The following XKRX variants were observed in gnomAD, a reference collection of about 807,000 sequenced individuals.
XKRX encodes the protein XK related X-linked, also known as XK-related protein 2.
In XKRX, 11 loss-of-function variants were observed where a neutral mutation model predicts 22.4. The ratio of observed to expected loss-of-function variants is 0.49; its 90% confidence interval spans 0.31 to 0.81. The LOEUF is 0.81. XKRX is among the 40% of genes least tolerant of loss of function. The pLI is 0.05. For synonymous variants in XKRX, 114 were observed against 132.2 expected (o/e 0.86, Z 0.94); for missense variants, 320 against 336.5 (o/e 0.95, Z 0.38).
At chrX:100,896,188 C>T in the XKRX span, among the ~76,000 whole-genome samples, 20 of 111,293 alleles carry the variant, frequency 1.8e-4, no homozygotes, top group Non-Finnish European at 3.4e-4. Flanking sequence ...TTGTATAGCC[C>T]ATTTGGAGGG....
chrX:100,891,238 C>A, the XKRX span, among the ~76,000 whole-genome samples: 4 of 111,400 alleles, frequency 3.6e-5, no homozygotes, highest in East Asian at 1.1e-3. Flanking sequence ...AAAGAACACA[C>A]AATATTGTTA....
At chrX:100,920,756 GTTAT>G (rs1039619612) in intron 2 of XKRX, among the ~76,000 whole-genome samples, 1 of 111,757 alleles carries the variant, frequency 8.9e-6, no homozygotes. Context: ...TATTACTTTT[GTTAT>G]TTATTTATTT....
At chrX:100,895,215 AAAT>A in the XKRX span, among the ~76,000 whole-genome samples, 1 of 112,244 alleles carries the variant, frequency 8.9e-6, no homozygotes, top group Non-Finnish European at 1.9e-5. Context: ...ATATTTTGTT[AAAT>A]AATTAATTCA....
At chrX:100,909,858 G>T (rs778420191), downstream of XKRX, among the ~76,000 whole-genome samples, 3 of 86,264 alleles carry the variant, frequency 3.5e-5, no homozygotes, top group African/African-American at 1.3e-4. Flanking sequence ...AGCCGAAATC[G>T]CACCACTGCA....
the XKRX span, among the ~76,000 whole-genome samples, chrX:100,956,059 A>G: frequency 8.9e-6 from 1 of 111,824 alleles, no homozygotes; most frequent in Non-Finnish European, 1.9e-5. Flanking sequence ...CTTTGCAAGG[A>G]CATGGATGGA....
chrX:100,948,576 C>T, the XKRX span, among the ~76,000 whole-genome samples: 2 of 112,502 alleles, frequency 1.8e-5, no homozygotes, highest in African/African-American at 3.2e-5. Context: ...CTTTCTGTTT[C>T]CTTTAGTTAA....
At chrX:100,930,890 G>A (rs1432698785), upstream of XKRX, among the ~76,000 whole-genome samples, 8 of 110,409 alleles carry the variant, frequency 7.2e-5, no homozygotes, top group Non-Finnish European at 1.3e-4. Context: ...CCAGCATTTC[G>A]GGAGGCCAAG....
the XKRX span, among the ~76,000 whole-genome samples, chrX:100,905,128 C>T: frequency 1.8e-5 from 2 of 112,014 alleles, no homozygotes; most frequent in African/African-American, 6.5e-5. Context: ...TGGAATAAGA[C>T]CAGGGCTTAA....
intron 2 of XKRX, among the ~76,000 whole-genome samples, chrX:100,917,699 A>AAAGG (rs2147939466): frequency 3.9e-5 from 4 of 102,141 alleles, no homozygotes; most frequent in Admixed American, 1.0e-4. Context: ...AGAAAGAAAG[A>AAAGG]AAGAAAGAAA....
chrX:100,948,328 A>T, the XKRX span, among the ~76,000 whole-genome samples: 1 of 112,206 alleles, frequency 8.9e-6, no homozygotes, highest in Non-Finnish European at 1.9e-5. Flanking sequence ...TTTTTAAAAA[A>T]ATCAATGACC....
the XKRX span, among the ~76,000 whole-genome samples, chrX:100,936,216 T>A: frequency 1.8e-5 from 2 of 110,974 alleles, no homozygotes; most frequent in Non-Finnish European, 3.8e-5. Context: ...TGATAAAGGT[T>A]GTGTATTAGT....
At chrX:100,907,276 G>A in the XKRX span, among the ~76,000 whole-genome samples, 1 of 111,241 alleles carries the variant, frequency 9.0e-6, no homozygotes, top group Non-Finnish European at 1.9e-5. Flanking sequence ...GCTCACTGCA[G>A]CCTCAATCTT....
chrX:100,893,597 T>G, the XKRX span, among the ~76,000 whole-genome samples: 2,372 of 111,613 alleles, frequency 0.021, 66 homozygotes, highest in African/African-American at 0.071. Flanking sequence ...ATAAAGAAAA[T>G]GTGGTGGCGA....
chrX:100,908,712 C>T (rs1271743400), downstream of XKRX, among the ~76,000 whole-genome samples: 2 of 111,807 alleles, frequency 1.8e-5, no homozygotes, highest in African/African-American at 6.5e-5. Context: ...AGGGCAGAGT[C>T]AGCTGATTAT....
chrX:100,903,073 A>G, the XKRX span, among the ~76,000 whole-genome samples: 1 of 110,075 alleles, frequency 9.1e-6, no homozygotes, highest in African/African-American at 3.3e-5. Context: ...AAAAAAAAAA[A>G]CAAAAAACCT....
intron 2 of XKRX, among the ~76,000 whole-genome samples, chrX:100,919,666 T>A (rs2085462346): frequency 8.9e-6 from 1 of 111,898 alleles, no homozygotes; most frequent in South Asian, 3.7e-4. Flanking sequence ...GCTTCATTCA[T>A]AACCAAAGAA....
chrX:100,917,738 C>A (rs2085452433), intron 2 of XKRX, among the ~76,000 whole-genome samples: 1 of 74,237 alleles, frequency 1.3e-5, no homozygotes, highest in African/African-American at 4.6e-5. Context: ...CTTGGTTCAG[C>A]TGTATGGGAA....
the XKRX span, among the ~76,000 whole-genome samples, chrX:100,904,647 C>T: frequency 2.7e-5 from 3 of 112,318 alleles, no homozygotes; most frequent in Admixed American, 2.8e-4. Context: ...TCTGACCTGG[C>T]TATGCCTGTT....
chrX:100,936,239 T>C, the XKRX span, among the ~76,000 whole-genome samples: 1 of 110,876 alleles, frequency 9.0e-6, no homozygotes, highest in African/African-American at 3.3e-5. Context: ...ATTCTCACAC[T>C]GCTATAAAGA....
Sources: allele counts gnomAD v4.1 joint callset (sites outside exome capture counted in the v4.1 genomes callset), GRCh38; gene constraint gnomAD v4.1.1; transcripts MANE v1.5; gene names NCBI Gene and HGNC (gene_info 2026-07-23, HGNC 2026-07-21).